The following NLGN1 variants were observed in gnomAD, a reference collection of about 807,000 sequenced individuals.
The protein encoded by NLGN1 is neuroligin 1.
NLGN1 carries 12 observed loss-of-function variants against 65.5 expected under a neutral mutation model. The ratio of observed to expected loss-of-function variants is 0.18; its 90% CI spans 0.12 to 0.30. The LOEUF is 0.30. Ranked by LOEUF, NLGN1 falls within the 10% of genes least tolerant of loss-of-function variation. The pLI is 1.00. For missense variants in NLGN1, 750 were observed against 1,007.1 expected, an observed-to-expected ratio of 0.74 and a Z score of 3.46; for synonymous variants, 350 against 359.5, an observed-to-expected ratio of 0.97 and a Z score of 0.30.
chr3:173,779,131 G>GA (rs1780754080), intron 3 of NLGN1, among the ~76,000 whole-genome samples: 1 of 151,596 alleles, frequency 6.6e-6, no homozygotes, highest in Non-Finnish European at 1.5e-5. Context: ...TTGCTTTGCA[G>GA]AAAAAATGGT....
chr3:174,084,755 C>T (rs1742923630), intron 4 of NLGN1, among the ~76,000 whole-genome samples: 1 of 152,010 alleles, frequency 6.6e-6, no homozygotes, highest in African/African-American at 2.4e-5. Context: ...TTTGATATGT[C>T]ATAAAAGTTT....
At chr3:173,699,732 T>C (rs1211956807) in intron 3 of NLGN1, among the ~76,000 whole-genome samples, 2 of 152,104 alleles carry the variant, frequency 1.3e-5, no homozygotes, top group African/African-American at 4.8e-5. Context: ...GTTTTAAGGT[T>C]TAGGGGGAAG....
chr3:173,933,345 C>T (rs1048008776), intron 4 of NLGN1, among the ~76,000 whole-genome samples: 38 of 152,056 alleles, frequency 2.5e-4, no homozygotes, highest in African/African-American at 9.2e-4. Flanking sequence ...ATATGAGCCT[C>T]CACTAGTGGG....
At chr3:173,922,855 G>A (rs138578868) in intron 4 of NLGN1, among the ~76,000 whole-genome samples, 5 of 151,990 alleles carry the variant, frequency 3.3e-5, no homozygotes, top group African/African-American at 7.2e-5. Flanking sequence ...TAAATTCCAC[G>A]AGCAATTCCA....
intron 4 of NLGN1, among the ~76,000 whole-genome samples, chr3:174,102,506 C>T (rs922703867): frequency 3.9e-5 from 6 of 152,062 alleles, no homozygotes; most frequent in South Asian, 2.1e-4. Context: ...ACCTTTCAAA[C>T]GCAAACACCT....
Position 173,565,037 on chromosome 3 carries a change from G to T in NLGN1, c.-320-39242G>T, listed in dbSNP as rs150282735. On this transcript the variant is annotated intron_variant, in intron 2 of 6. Transcript: ENST00000457714. Reference sequence around the variant, plus strand: ...GGAGGGAATGATGAGGCTACATCCTGCCAAAAGGGAAACTCTGCCCAGGAT... The same window carrying T: ...GGAGGGAATGATGAGGCTACATCCTTCCAAAAGGGAAACTCTGCCCAGGAT... Among the ~76,000 whole-genome samples the T allele has an allele frequency of 4.2e-3, 638 of 152,272 alleles. 4 individuals carry two copies. The highest frequency in any genetic ancestry group is 0.014 in the Middle Eastern group (4 of 294).
At chr3:173,787,807 GT>G (rs1467063841) in intron 3 of NLGN1, among the ~76,000 whole-genome samples, 1 of 152,204 alleles carries the variant, frequency 6.6e-6, no homozygotes, top group East Asian at 1.9e-4. Flanking sequence ...TGTTTCCGAT[GT>G]TTTTGAGCTG....
At chr3:173,611,804 TA>T (rs1419433055) in intron 3 of NLGN1, among the ~76,000 whole-genome samples, 2 of 152,094 alleles carry the variant, frequency 1.3e-5, no homozygotes, top group Non-Finnish European at 2.9e-5. Context: ...TTCCAAAGAA[TA>T]AATACTTTTT....
In NLGN1 at chr3:173,412,607, C is replaced by G. The variant is rs116944467; in HGVS notation, c.-390+14120C>G. Among the ~76,000 whole-genome samples, 11 of 152,018 alleles carry G rather than the reference C, an allele frequency of 7.2e-5. No individual in the cohort carries two copies. In the East Asian group the frequency reaches 2.1e-3, roughly 29 times the overall value. On this transcript the variant is annotated intron_variant, in intron 1 of 6. Transcript: ENST00000457714. ...AATATTTCAGGAAAATATATTGATT[C>G]CAACTTCTTGGAGGGAAGGTTTCCA...
At chr3:173,580,665 T>C (rs536248348) in intron 2 of NLGN1, among the ~76,000 whole-genome samples, 1 of 152,130 alleles carries the variant, frequency 6.6e-6, no homozygotes, top group East Asian at 1.9e-4. Context: ...CTCAAACACC[T>C]TTCCTCTATC....
chr3:173,967,109 T>A (rs1447242404), intron 4 of NLGN1, among the ~76,000 whole-genome samples: 1 of 152,280 alleles, frequency 6.6e-6, no homozygotes, highest in Non-Finnish European at 1.5e-5. Flanking sequence ...AAATTCAGAT[T>A]TACTGGGCTA....
At chr3:173,942,458 TA>T (rs1243029846) in intron 4 of NLGN1, among the ~76,000 whole-genome samples, 3 of 152,136 alleles carry the variant, frequency 2.0e-5, no homozygotes, top group Admixed American at 2.0e-4. Flanking sequence ...TACCTCAGCC[TA>T]GTTCAGGTCA....
At chr3:173,700,860 T>C (rs921771576) in intron 3 of NLGN1, among the ~76,000 whole-genome samples, 2 of 152,158 alleles carry the variant, frequency 1.3e-5, no homozygotes, top group Non-Finnish European at 2.9e-5. Context: ...GCACGGTGGC[T>C]CAAGCCTGTA....
chr3:173,492,788 G>C (rs1283227026), intron 2 of NLGN1, among the ~76,000 whole-genome samples: 1 of 151,770 alleles, frequency 6.6e-6, no homozygotes, highest in Non-Finnish European at 1.5e-5. Flanking sequence ...TGTAATCTTT[G>C]ATTACATTAT....
chr3:173,492,785 T>G (rs1439817102), intron 2 of NLGN1, among the ~76,000 whole-genome samples: 1 of 151,836 alleles, frequency 6.6e-6, no homozygotes, highest in Non-Finnish European at 1.5e-5. Context: ...ATCTGTAATC[T>G]TTGATTACAT....
chr3:174,283,665 C>T (rs770657975), exon 7 of NLGN1: 2 of 151,150 alleles, frequency 1.3e-5, no homozygotes, highest in African/African-American at 4.8e-5. Context: ...ATCCCCCCTC[C>T]CAATTATTAT....
intron 1 of NLGN1, among the ~76,000 whole-genome samples, chr3:173,423,421 A>G (rs558403693): frequency 2.0e-5 from 3 of 152,314 alleles, no homozygotes; most frequent in Non-Finnish European, 4.4e-5. Flanking sequence ...TATCTGAGAC[A>G]AGGCAAGTCC....
At chr3:173,953,302 G>A (rs1195856322) in intron 4 of NLGN1, among the ~76,000 whole-genome samples, 1 of 151,998 alleles carries the variant, frequency 6.6e-6, no homozygotes, top group African/African-American at 2.4e-5. Context: ...CATTACATAA[G>A]TTGTTTTTCA....
At chr3:174,222,582 G>C (rs948946266) in intron 4 of NLGN1, among the ~76,000 whole-genome samples, 1 of 152,098 alleles carries the variant, frequency 6.6e-6, no homozygotes, top group African/African-American at 2.4e-5. Context: ...TAGAATGAAA[G>C]ATTCCTAGGT....
Sources: gnomAD v4.1 joint callset for allele counts (sites outside exome capture counted in the v4.1 genomes callset) on GRCh38, gnomAD v4.1.1 for gene constraint, MANE v1.5 for transcripts, NCBI Gene and HGNC (gene_info 2026-07-23, HGNC 2026-07-21) for gene names.